HDAC4: variants seen among roughly 807,000 people sequenced by gnomAD.
HDAC4 encodes the protein histone deacetylase A.
In HDAC4, 16 loss-of-function variants were observed where a neutral mutation model predicts 135.1. That is an observed-to-expected ratio of 0.12 (90% CI 0.08 to 0.18). HDAC4 has a LOEUF of 0.18. HDAC4 is among the 10% of genes least tolerant of loss of function. The pLI is 1.00. For missense variants in HDAC4, 1,143 were observed against 1,511.8 expected (o/e 0.76, Z 4.05); for synonymous variants, 685 against 653.4 (o/e 1.05, Z -0.74).
In HDAC4 at chr2:239,262,436, T is replaced by G. The variant is rs1048734050; in HGVS notation, c.23-25772A>C. On this transcript the variant is annotated intron_variant, in intron 2 of 26. Transcript: ENST00000543185. This position sits in a 1 kb window ranked among gnomAD's most constrained non-coding sequence, Gnocchi z 4.1. The stretch of plus-strand genomic sequence containing the variant: ...GGAAGAGATAAAAGAGAAGCTTTTG[T>G]GAAAGCAGAGATAGAAATTTAATTA... Among the ~76,000 whole-genome samples the G allele has an allele frequency of 5.9e-5, 9 of 152,352 alleles. No individual in the cohort carries two copies. The highest frequency in any genetic ancestry group is 2.2e-4 in the African/African-American group (9 of 41,594).
At chr2:239,275,229 G>A (rs1025898918) in intron 2 of HDAC4, among the ~76,000 whole-genome samples, 2 of 152,244 alleles carry the variant, frequency 1.3e-5, no homozygotes, top group African/African-American at 2.4e-5. Flanking sequence ...GCGCAGGCTG[G>A]CCTCCTGAGG....
intron 2 of HDAC4, among the ~76,000 whole-genome samples, chr2:239,334,705 T>C (rs1347713493): frequency 6.6e-6 from 1 of 151,960 alleles, no homozygotes; most frequent in African/African-American, 2.4e-5. Context: ...AGGTATTCTG[T>C]TGAAATTGAA....
chr2:239,059,314 G>A (rs1173761950), intron 24 of HDAC4, among the ~76,000 whole-genome samples: 1 of 152,196 alleles, frequency 6.6e-6, no homozygotes, highest in Non-Finnish European at 1.5e-5. Flanking sequence ...AAAGAAGATA[G>A]ATGGGAAAGC....
chr2:239,380,198 G>A (rs1280268273), intron 1 of HDAC4, among the ~76,000 whole-genome samples: 4 of 152,354 alleles, frequency 2.6e-5, no homozygotes, highest in South Asian at 4.1e-4. Flanking sequence ...GGAATAAGAA[G>A]AAATCCCACT....
At chr2:239,332,308 T>C (rs149900131) in intron 2 of HDAC4, among the ~76,000 whole-genome samples, 31 of 152,328 alleles carry the variant, frequency 2.0e-4, no homozygotes, top group Non-Finnish European at 3.7e-4. Context: ...TCTTCAAGTA[T>C]ACATAAAATG....
intron 3 of HDAC4, among the ~76,000 whole-genome samples, chr2:239,231,872 C>T (rs1016480483): frequency 7.4e-6 from 1 of 135,330 alleles, no homozygotes; most frequent in Non-Finnish European, 1.6e-5. Context: ...TGTCCTCAAC[C>T]GAGGTTGCTG....
At chr2:239,341,039 G>A (rs571368398) in intron 2 of HDAC4, among the ~76,000 whole-genome samples, 7 of 152,220 alleles carry the variant, frequency 4.6e-5, no homozygotes, top group Admixed American at 3.9e-4. Context: ...ACAATGCATC[G>A]GGCACTACAA....
chr2:239,166,533 T>TA (rs1200660080), intron 5 of HDAC4, among the ~76,000 whole-genome samples: 4 of 152,130 alleles, frequency 2.6e-5, no homozygotes, highest in African/African-American at 9.7e-5. Context: ...CACCCGGCGT[T>TA]AGACTCGAAC....
At chr2:239,368,002 T>C (rs1158318222) in intron 1 of HDAC4, among the ~76,000 whole-genome samples, 1 of 151,976 alleles carries the variant, frequency 6.6e-6, no homozygotes, top group East Asian at 1.9e-4. Flanking sequence ...AATAAATAAA[T>C]AAATTTCATG....
At chr2:239,102,991 G>T in intron 15 of HDAC4, 95 bp from the exon 16 acceptor site, 1 of 1,489,100 alleles carries the variant, frequency 6.7e-7, no homozygotes, top group South Asian at 1.2e-5. Context: ...TTGCCCAAAA[G>T]GAAACTTAAT....
At chr2:239,125,237 G>T (rs189179653) in intron 12 of HDAC4, among the ~76,000 whole-genome samples, 1 of 152,232 alleles carries the variant, frequency 6.6e-6, no homozygotes, top group Admixed American at 6.5e-5. Context: ...GCTGAACACC[G>T]TCTGTTGGTG....
At chr2:239,200,400 G>A (rs1413675654) in intron 3 of HDAC4, among the ~76,000 whole-genome samples, 3 of 152,158 alleles carry the variant, frequency 2.0e-5, no homozygotes, top group Non-Finnish European at 1.5e-5. Flanking sequence ...AAGTAGAGAC[G>A]AGGTAGAGAA....
At chr2:239,172,225 G>GT (rs1553641431) in intron 5 of HDAC4, among the ~76,000 whole-genome samples, 2 of 149,288 alleles carry the variant, frequency 1.3e-5, no homozygotes, top group Non-Finnish European at 3.0e-5. Context: ...ATTAAAGACA[G>GT]TTGTTGAAAT....
At chr2:239,333,586 A>T (rs1443508049) in intron 2 of HDAC4, among the ~76,000 whole-genome samples, 2 of 152,220 alleles carry the variant, frequency 1.3e-5, no homozygotes, top group Non-Finnish European at 2.9e-5. Flanking sequence ...TGTAAGGTTG[A>T]CTTAACATTC....
chr2:239,142,482 C>T lies in HDAC4; in HGVS notation c.865+2101G>A, dbSNP rs187451347. 2.8e-4 allele frequency among the ~76,000 whole-genome samples: 42 copies of T among 152,378 alleles called. No individual in the cohort carries two copies. In the East Asian group the frequency reaches 3.3e-3, roughly 12 times the overall value. ...CCTCTCTGCCCCAGCCCCACTCACCCGCCAAGTCCCAGTGCAAATGCCACC... is the reference window on the plus strand; with the variant it reads ...CCTCTCTGCCCCAGCCCCACTCACCTGCCAAGTCCCAGTGCAAATGCCACC... On this transcript the variant is annotated intron_variant, in intron 8 of 26. Transcript: ENST00000543185.
chr2:239,282,292 ACAC>A (rs2050824114), intron 2 of HDAC4, among the ~76,000 whole-genome samples: 1 of 142,626 alleles, frequency 7.0e-6, no homozygotes, highest in Non-Finnish European at 1.5e-5. Context: ...TACAATGTAC[ACAC>A]CACTCTACAC....
chr2:239,397,001 A>C (rs1345831970), intron 1 of HDAC4, among the ~76,000 whole-genome samples: 1 of 152,158 alleles, frequency 6.6e-6, no homozygotes, highest in African/African-American at 2.4e-5. Flanking sequence ...ACGTGACATA[A>C]GACAGCATGA....
chr2:239,175,139 G>A (rs1237560691), intron 5 of HDAC4, among the ~76,000 whole-genome samples: 3 of 152,228 alleles, frequency 2.0e-5, no homozygotes, highest in African/African-American at 7.2e-5. Context: ...AACTGAGCAT[G>A]TAAGTCCTGG....
chr2:239,181,012 G>A (rs1253638309), intron 4 of HDAC4, among the ~76,000 whole-genome samples: 1 of 152,336 alleles, frequency 6.6e-6, no homozygotes, highest in East Asian at 1.9e-4. Context: ...TGGAGTCCAG[G>A]GCAGTGGGAC....
Sources: gnomAD v4.1 joint callset for allele counts (sites outside exome capture counted in the v4.1 genomes callset) on GRCh38, gnomAD v4.1.1 for gene constraint, Gnocchi (gnomAD v3.1) non-coding constraint, MANE v1.5 for transcripts, NCBI Gene and HGNC (gene_info 2026-07-23, HGNC 2026-07-21) for gene names.